Variants in RBBP8 observed in about 807,000 individuals in gnomAD.
The protein encoded by RBBP8 is DNA endonuclease RBBP8.
RBBP8 carries 88 observed loss-of-function variants against 108.3 expected under a neutral mutation model. The ratio of observed to expected loss-of-function variants is 0.81; its 90% CI spans 0.68 to 0.97. The LOEUF (loss-of-function observed/expected upper bound fraction) is 0.97. RBBP8 is among the 50% of genes least tolerant of loss of function. The pLI is 0.00. For synonymous variants in RBBP8, 332 were observed against 348.2 expected, an observed-to-expected ratio of 0.95 and a Z score of 0.52; for missense variants, 1,023 against 1,049.0, an observed-to-expected ratio of 0.98 and a Z score of 0.34.
At position 22,993,651 on chromosome 18, in the gene RBBP8, A is replaced by G. The variant is rs1460258069; in HGVS notation, c.1812+12A>G. The stretch of plus-strand genomic sequence containing the variant: ...TAGATGACATAAAGGTTTGTGTTAA[A>G]TGTTCAAGGATTTTGATTAAAATGA... On this transcript the variant is annotated intron_variant, in intron 11 of 18. Transcript: ENST00000327155. 7 of 1,614,146 alleles carry G rather than the reference A, an allele frequency of 4.3e-6. No individual in the cohort carries two copies. Among genetic ancestry groups the G allele is most frequent in the African/African-American group, 1.3e-5 (1 of 74,954 alleles).
At chr18:22,942,865 T>A (rs894553026) in intron 2 of RBBP8, among the ~76,000 whole-genome samples, 1 of 152,096 alleles carries the variant, frequency 6.6e-6, no homozygotes, top group Non-Finnish European at 1.5e-5. Context: ...TAATAAATGA[T>A]CTTTTGCCTA....
At chr18:22,981,702 GCAGA>G (rs1302328037) in intron 6 of RBBP8, among the ~76,000 whole-genome samples, 2 of 152,130 alleles carry the variant, frequency 1.3e-5, no homozygotes, top group African/African-American at 4.8e-5. Flanking sequence ...AGTTCAGACC[GCAGA>G]CAGAGCGGCT....
chr18:22,982,666 C>G (rs1326639089), intron 7 of RBBP8, among the ~76,000 whole-genome samples: 1 of 151,404 alleles, frequency 6.6e-6, no homozygotes, highest in Non-Finnish European at 1.5e-5. Context: ...TAAAAATATT[C>G]CTATGTGTAT....
At chr18:22,931,365 G>C (rs1287167697), upstream of RBBP8, among the ~76,000 whole-genome samples, 1 of 152,066 alleles carries the variant, frequency 6.6e-6, no homozygotes, top group East Asian at 1.9e-4. Context: ...AATTCAAAGG[G>C]GCTTCCTTCA....
chr18:22,953,317 T>A (rs982645468), intron 4 of RBBP8, among the ~76,000 whole-genome samples: 3 of 152,220 alleles, frequency 2.0e-5, no homozygotes, highest in Non-Finnish European at 4.4e-5. Flanking sequence ...GGGATTTTAT[T>A]CTCCTACTGT....
chr18:22,993,450 CA>C lies in RBBP8; in HGVS notation c.1625del (p.Asn542ThrfsTer23), dbSNP rs1286994442. The C allele has an allele frequency of 6.2e-7, 1 of 1,614,262 alleles. No homozygotes were observed. Among genetic ancestry groups the C allele is most frequent in the East Asian group, 2.2e-5 (1 of 44,890 alleles). On this transcript the variant is annotated frameshift_variant, in exon 11 of 19. Coordinates refer to ENST00000327155, the MANE Select transcript of RBBP8 (RefSeq NM_002894.3). LOFTEE classifies it high-confidence loss of function. ...FSSSRKASDG[N>X]CTLPKDSPGE... is the part of the protein sequence containing the mutation. ...CCTCAAGCCGTAAGGCCTCAGATGGCAACTGCACGTTGCCCAAAGATTCCCC... is the reference window on the plus strand; with the variant it reads ...CCTCAAGCCGTAAGGCCTCAGATGGCACTGCACGTTGCCCAAAGATTCCCC...
intron 15 of RBBP8, among the ~76,000 whole-genome samples, 190 bp from the exon 16 acceptor site, chr18:23,006,173 A>G (rs2046042688): frequency 6.6e-6 from 1 of 151,866 alleles, no homozygotes. Flanking sequence ...GCAACAGAGC[A>G]AGACACCGGC....
chr18:22,919,562 T>C (rs749181524), intron 3 of RBBP8, among the ~76,000 whole-genome samples: 1 of 152,164 alleles, frequency 6.6e-6, no homozygotes, highest in Non-Finnish European at 1.5e-5. Context: ...ATATTCTTTT[T>C]TTCTTTTTTT....
chr18:23,010,169 T>C (rs1025938501), intron 16 of RBBP8, among the ~76,000 whole-genome samples: 7 of 152,180 alleles, frequency 4.6e-5, no homozygotes, highest in African/African-American at 1.7e-4. Flanking sequence ...CTACTGTAGT[T>C]TATACCCTAG....
upstream of RBBP8, among the ~76,000 whole-genome samples, chr18:22,929,109 G>A (rs898000): frequency 0.22 from 32,837 of 152,058 alleles, 3,853 homozygotes; most frequent in East Asian, 0.44. Context: ...AGAAACATCA[G>A]GGCCTCAACT....
intron 3 of RBBP8, among the ~76,000 whole-genome samples, chr18:22,919,037 A>G (rs900145269): frequency 9.9e-5 from 15 of 152,250 alleles, no homozygotes; most frequent in African/African-American, 9.6e-5. Flanking sequence ...AGTAATGATG[A>G]GCAGAGTGAG....
At chr18:22,962,924 T>A (rs1913232898) in intron 4 of RBBP8, among the ~76,000 whole-genome samples, 1 of 152,112 alleles carries the variant, frequency 6.6e-6, no homozygotes, top group Admixed American at 6.6e-5. Flanking sequence ...CACCTTCTAA[T>A]ACGCTATACA....
intron 4 of RBBP8, among the ~76,000 whole-genome samples, chr18:22,954,564 A>G (rs1396536718): frequency 6.6e-6 from 1 of 152,080 alleles, no homozygotes. Context: ...AGCTTCCTTC[A>G]CAGGCTGGCA....
rs2045831877 is a variant in RBBP8, at chr18:22,995,103, A to G, written c.1939+1256A>G. Among the ~76,000 whole-genome samples the G allele has an allele frequency of 2.0e-5, 3 of 152,048 alleles. No homozygotes were observed. In the South Asian group the frequency reaches 6.2e-4, roughly 32 times the overall value. The stretch of plus-strand genomic sequence containing the variant: ...GTTCAAGTGCAGTATTTTTTCTTGT[A>G]TTCTTCATTGGCAAGTTATTCCTTT... On this transcript the variant is annotated intron_variant, in intron 12 of 18. Transcript: ENST00000327155.
chr18:22,971,636 AATTTCTTTTTTT>A (rs974326171), intron 5 of RBBP8, among the ~76,000 whole-genome samples: 1 of 145,546 alleles, frequency 6.9e-6, no homozygotes, highest in African/African-American at 2.5e-5. Flanking sequence ...ACCAATGTTT[AATTTCTTTTTTT>A]TTTTTTTTTT....
chr18:22,947,477 A>T (rs995026487), intron 3 of RBBP8, among the ~76,000 whole-genome samples: 1 of 152,054 alleles, frequency 6.6e-6, no homozygotes, highest in African/African-American at 2.4e-5. Flanking sequence ...ATTTTATTAC[A>T]GTTACATTTT....
At chr18:23,018,103 G>C (rs185265152) in intron 17 of RBBP8, among the ~76,000 whole-genome samples, 49 of 152,022 alleles carry the variant, frequency 3.2e-4, no homozygotes, top group Non-Finnish European at 6.6e-4. Flanking sequence ...CTAGGCTGGA[G>C]CACAATAGTG....
chr18:23,012,207 C>CAAAAAAAAAAAA lies in RBBP8; in HGVS notation c.2358-4621_2358-4620insAAAAAAAAAAAA, dbSNP rs368600707. On this transcript the variant is annotated intron_variant, in intron 16 of 18. Transcript: ENST00000327155. ...TGGGAGACAAAGTGAGATGCTGTCT[C>CAAAAAAAAAAAA]CAAAAAAAAAAAAAAAAAAAAAAAC... 2.6e-4 allele frequency among the ~76,000 whole-genome samples: 21 copies of CAAAAAAAAAAAA among 81,174 alleles called. 9 individuals carry two copies. The highest frequency in any genetic ancestry group is 5.1e-4 in the Admixed American group (3 of 5,896). The allele number at this position is 81,174 out of a possible 152,430, so 53.3% of individuals were successfully genotyped here.
At chr18:22,959,271 T>C (rs2144541344) in intron 4 of RBBP8, among the ~76,000 whole-genome samples, 1 of 152,368 alleles carries the variant, frequency 6.6e-6, no homozygotes, top group East Asian at 1.9e-4. Flanking sequence ...TAAAATAGTT[T>C]TCCCTGAAAA....
Sources: gnomAD v4.1 joint callset for allele counts (sites outside exome capture counted in the v4.1 genomes callset) on GRCh38, gnomAD v4.1.1 for gene constraint, MANE v1.5 for transcripts, NCBI Gene and HGNC (gene_info 2026-07-23, HGNC 2026-07-21) for gene names.